AVIL: variants seen among roughly 807,000 people sequenced by gnomAD.
AVIL encodes the protein advillin.
Under a neutral mutation model 109.9 loss-of-function variants are expected in AVIL, and 78 were observed. The ratio of observed to expected loss-of-function variants is 0.71; its 90% CI spans 0.59 to 0.86. The LOEUF is 0.86. Among genes scored for constraint, AVIL ranks in the 40% least tolerant of loss-of-function variants. AVIL has a pLI of 0.00. For synonymous variants in AVIL, 367 were observed against 379.1 expected (o/e 0.97, Z 0.37); for missense variants, 892 against 1,016.5 (o/e 0.88, Z 1.67).
In AVIL at chr12:57,808,391, T is replaced by C; in HGVS notation, c.1093+4A>G. ...ATGAGAGGATGATCTGGGGGCAGTC[T>C]CACCAATTTTACCAATGCTGAACGT... is the stretch of plus-strand genomic sequence containing the variant. On this transcript the variant is annotated splice_donor_region_variant and intron_variant, in intron 10 of 19. Transcript: ENST00000549994. 1 of 1,614,194 alleles carries C rather than the reference T, an allele frequency of 6.2e-7. No individual in the cohort carries two copies.
intron 13 of AVIL, 91 bp downstream of exon 13, chr12:57,807,240 C>T: frequency 6.3e-7 from 1 of 1,575,110 alleles, no homozygotes; most frequent in Non-Finnish European, 8.7e-7. Flanking sequence ...ACTCCCTACC[C>T]CACCCCTCCT....
intron 13 of AVIL, 43 bp from the exon 14 acceptor site, chr12:57,806,582 G>GTGAGCAGAGTGCTAGA (rs768285344): frequency 6.2e-7 from 1 of 1,602,644 alleles, no homozygotes; most frequent in Non-Finnish European, 8.5e-7. Context: ...GGAGCACCAT[G>GTGAGCAGAGTGCTAGA]TGAGCAGAGT....
chr12:57,817,427 TAGCAGGACTAA>T (rs1444035225), intron 1 of AVIL, among the ~76,000 whole-genome samples: 2 of 151,492 alleles, frequency 1.3e-5, no homozygotes, highest in Non-Finnish European at 2.9e-5. Flanking sequence ...TCTACTGCTG[TAGCAGGACTAA>T]AGCAAGGCAA....
At position 57,810,492 on chromosome 12, in the gene AVIL, T is replaced by G; in HGVS notation, c.618A>C (p.Gly206=). Residue 206 remains glycine, a synonymous_variant, in exon 7 of 20, where the codon GGA becomes GGC. Transcript: ENST00000549994. The part of the protein sequence containing the change: ...DRERGGRAKI[G]VIEGDKEAAS... ...CTGCCTCCTTGTCTCCCTCGATCAC[T>G]CCTATTTTAGCACGGCCCCCTCGCT... The G allele has an allele frequency of 6.2e-7, 1 of 1,614,112 alleles. No individual in the cohort carries two copies. Among genetic ancestry groups the G allele is most frequent in the East Asian group, 2.2e-5 (1 of 44,876 alleles).
chr12:57,816,215 A>C lies in AVIL; in HGVS notation c.-19-156T>G, dbSNP rs999247465. The C allele has an allele frequency of 9.6e-6, 6 of 625,596 alleles. No individual in the cohort carries two copies. In the African/African-American group the frequency reaches 1.1e-4, roughly 12 times the overall value. 38.8% of individuals were successfully genotyped at this position (625,596 alleles called of 1,614,324 possible). ...CCATTTCACAATGATGGGGGCAAGGACTTGTCCAAGTGCACATGGTGAGCC... is the reference window on the plus strand; with the variant it reads ...CCATTTCACAATGATGGGGGCAAGGCCTTGTCCAAGTGCACATGGTGAGCC... On this transcript the variant is annotated intron_variant, in intron 1 of 19. Transcript: ENST00000549994.
chr12:57,804,366 C>G (rs993697942), intron 14 of AVIL: 1 of 152,122 alleles, frequency 6.6e-6, no homozygotes, highest in African/African-American at 2.4e-5. Flanking sequence ...GTTTGTTTAT[C>G]CATTTTCCAG....
intron 7 of AVIL, 42 bp from the exon 8 acceptor site, chr12:57,809,932 A>G: frequency 6.3e-7 from 1 of 1,595,182 alleles, no homozygotes; most frequent in Non-Finnish European, 8.6e-7. Context: ...TTCCTCTATA[A>G]AGCATCTTGT....
In AVIL at chr12:57,810,424, C is replaced by A. The variant is rs200643423; in HGVS notation, c.686G>T (p.Arg229Leu). The change falls in exon 7 of 20, where the codon CGA becomes CTA. Residue 229 changes from arginine to leucine, a missense_variant. By Grantham distance (102) the Arg-to-Leu change is moderately radical. Transcript: ENST00000549994. ...LMKVLQDTLG[R>L]RSIIKPTVPD... ...GACTGTAGGCTTGATAATGGAGCGT[C>A]GGCCAAGGGTGTCCTGAAGGACCTT... The A allele has an allele frequency of 6.8e-6, 11 of 1,614,170 alleles. No individual in the cohort carries two copies. The highest frequency in any genetic ancestry group is 3.3e-5 in the Admixed American group (2 of 60,028).
chr12:57,798,104 G>A (rs1017917243), intron 19 of AVIL, 109 bp from the exon 20 acceptor site: 1 of 585,674 alleles, frequency 1.7e-6, no homozygotes, highest in African/African-American at 1.9e-5. Context: ...CTTGAAGAGG[G>A]AAGTAGAATG....
At chr12:57,815,418 A>C (rs1956089256) in intron 2 of AVIL, among the ~76,000 whole-genome samples, 1 of 152,190 alleles carries the variant, frequency 6.6e-6, no homozygotes, top group Non-Finnish European at 1.5e-5. Context: ...GACTGGGCTC[A>C]GGGCAGGGGT....
At position 57,810,352 on chromosome 12, in the gene AVIL, T is replaced by TA; in HGVS notation, c.757dup (p.Tyr253LeufsTer28). ...AAAACCAGGTTGAGCTACTCACTGA[T>TA]ACAACATGATAGTTGATTTCTGCTT... On this transcript the variant is annotated frameshift_variant, in exon 7 of 20. Transcript: ENST00000549994. LOFTEE classifies it high-confidence loss of function. The TA allele has an allele frequency of 6.2e-7, 1 of 1,614,210 alleles. No individual in the cohort carries two copies.
intron 4 of AVIL, among the ~76,000 whole-genome samples, chr12:57,811,722 A>T (rs986552137): frequency 3.3e-5 from 5 of 152,360 alleles, no homozygotes; most frequent in Non-Finnish European, 4.4e-5. Context: ...GGCCTCAGTC[A>T]GTGGAGACTG....
intron 3 of AVIL, 48 bp from the exon 4 acceptor site, chr12:57,813,471 T>A: frequency 6.4e-7 from 1 of 1,561,572 alleles, no homozygotes; most frequent in Non-Finnish European, 8.8e-7. Flanking sequence ...TCACCTCCCC[T>A]TTGCTGCTGG....
chr12:57,801,085 T>C, intron 18 of AVIL, 59 bp downstream of exon 18: 2 of 1,417,676 alleles, frequency 1.4e-6, no homozygotes, highest in Non-Finnish European at 2.0e-6. Context: ...AGCATTTGTG[T>C]GTTCTCTGGC....
chr12:57,810,683 C>T, intron 6 of AVIL, 132 bp from the exon 7 acceptor site: 3 of 1,373,654 alleles, frequency 2.2e-6, no homozygotes, highest in Non-Finnish European at 3.1e-6. Flanking sequence ...GAGTCACAAA[C>T]TCACACACTT....
intron 19 of AVIL, 102 bp from the exon 20 acceptor site, chr12:57,798,097 G>T: frequency 3.1e-6 from 2 of 646,462 alleles, no homozygotes; most frequent in Non-Finnish European, 5.0e-6. Context: ...GTGGATCCTT[G>T]AAGAGGGAAG....
chr12:57,800,430 AGG>A, intron 18 of AVIL: 1 of 153,694 alleles, frequency 6.5e-6, no homozygotes, highest in Non-Finnish European at 1.5e-5. Context: ...TCCTGGCTAG[AGG>A]CTCCACTTCT....
chr12:57,816,996 AG>A (rs1305661651), intron 1 of AVIL, among the ~76,000 whole-genome samples: 2 of 151,566 alleles, frequency 1.3e-5, no homozygotes, highest in East Asian at 3.9e-4. Context: ...GGGTGGGGAG[AG>A]GGGGGAAGTG....
intron 19 of AVIL, 92 bp from the exon 20 acceptor site, chr12:57,798,087 G>A (rs1165483348): frequency 6.3e-6 from 5 of 797,224 alleles, no homozygotes; most frequent in African/African-American, 1.8e-5. Flanking sequence ...GGAGTTCTAG[G>A]TGGATCCTTG....
Sources: allele counts gnomAD v4.1 joint callset (sites outside exome capture counted in the v4.1 genomes callset), GRCh38; gene constraint gnomAD v4.1.1; transcripts MANE v1.5; gene names NCBI Gene and HGNC (gene_info 2026-07-23, HGNC 2026-07-21).